Variants in BAAT observed in about 807,000 individuals in gnomAD.
BAAT encodes bile acid CoA: amino acid N-acyltransferase (glycine N-choloyltransferase).
A neutral mutation model predicts 18.9 loss-of-function variants in BAAT; 13 were observed. That is an observed-to-expected ratio of 0.69 (90% CI 0.45 to 1.10). BAAT has a LOEUF of 1.10. Ranked by LOEUF, BAAT falls within the 50% of genes least tolerant of loss-of-function variation. BAAT has a pLI of 0.00. For synonymous variants in BAAT, 170 were observed against 190.7 expected (o/e 0.89, Z 0.89); for missense variants, 489 against 504.0 (o/e 0.97, Z 0.28).
intron 3 of BAAT, among the ~76,000 whole-genome samples, chr9:101,364,001 C>A (rs1341761): frequency 0.15 from 23,455 of 151,936 alleles, 1,987 homozygotes; most frequent in African/African-American, 0.2. Flanking sequence ...AGAGTGAGAC[C>A]CTGTCTCAAG....
rs147229699 is a variant in BAAT, at chr9:101,380,507, G to A, written c.-60+4348C>T. ...CACAGACCTGCTCACTTACCACAGA[G>A]CAAGCTTACTCACAGCATGGTGGCT... On this transcript the variant is annotated intron_variant, in intron 1 of 3. Transcript: ENST00000259407. Among the ~76,000 whole-genome samples, 414 of 152,268 alleles carry A rather than the reference G, an allele frequency of 2.7e-3. 4 individuals are homozygous for A. Among genetic ancestry groups the A allele is most frequent in the Non-Finnish European group, 4.1e-3 (277 of 68,036 alleles).
intron 1 of BAAT, among the ~76,000 whole-genome samples, chr9:101,384,525 C>A (rs556302190): frequency 3.7e-4 from 56 of 152,260 alleles, no homozygotes; most frequent in African/African-American, 1.3e-3. Flanking sequence ...ATTGGTACCA[C>A]CACTTTGGAA....
In BAAT at chr9:101,384,927, TAAAGAG is replaced by T. The variant is rs931000159; in HGVS notation, c.-138_-133del. ...CCTAAGTGTCGGCTGGTCTGAGAAA[TAAAGAG>T]AAAGAGTACAAAGAGAGGAATTTAC... On this transcript the variant is annotated 5_prime_UTR_variant, in exon 1 of 4. Coordinates refer to ENST00000259407, the MANE Select transcript of BAAT (RefSeq NM_001701.4). 3.3e-5 allele frequency among the ~76,000 whole-genome samples: 5 copies of T among 151,402 alleles called. No homozygotes were observed. The highest frequency in any genetic ancestry group is 7.3e-5 in the African/African-American group (3 of 41,134).
chr9:101,367,577 C>A (rs529623289), intron 3 of BAAT, among the ~76,000 whole-genome samples: 201 of 152,164 alleles, frequency 1.3e-3, no homozygotes, highest in Non-Finnish European at 2.6e-3. Context: ...CTCAACCTCC[C>A]AGGCTCAAGC....
chr9:101,374,601 A>G (rs1830008207), intron 1 of BAAT, among the ~76,000 whole-genome samples: 1 of 152,192 alleles, frequency 6.6e-6, no homozygotes, highest in Non-Finnish European at 1.5e-5. Flanking sequence ...GGACCTACCC[A>G]TATTTCAGAA....
intron 2 of BAAT, among the ~76,000 whole-genome samples, chr9:101,369,040 C>T (rs1340925393): frequency 6.6e-6 from 1 of 152,148 alleles, no homozygotes; most frequent in Admixed American, 6.5e-5. Flanking sequence ...TGCAGGCTGA[C>T]ACGTGGTAAA....
At chr9:101,377,763 G>A (rs540671051) in intron 1 of BAAT, among the ~76,000 whole-genome samples, 63 of 152,184 alleles carry the variant, frequency 4.1e-4, no homozygotes, top group African/African-American at 1.4e-3. Context: ...AGGGCAATAA[G>A]GCAAGAGAAA....
intron 1 of BAAT, chr9:101,376,597 G>C (rs1215463587): frequency 6.6e-6 from 1 of 152,284 alleles, no homozygotes; most frequent in East Asian, 1.9e-4. Context: ...GTACCAAAAT[G>C]GTTCATGGCT....
rs140592426 is a variant in BAAT, at chr9:101,377,248, C to G, written c.-59-5785G>C. ...ACCAAAGGGAGTCCCTGCTGGTTCCCCAACATTAAAGAGCCCCAAATCAGT... is the reference window on the plus strand; with the variant it reads ...ACCAAAGGGAGTCCCTGCTGGTTCCGCAACATTAAAGAGCCCCAAATCAGT... On this transcript the variant is annotated intron_variant, in intron 1 of 3. Coordinates refer to ENST00000259407, the MANE Select transcript of BAAT (RefSeq NM_001701.4). Among the ~76,000 whole-genome samples, 3 of 152,188 alleles carry G rather than the reference C, an allele frequency of 2.0e-5. No individual in the cohort carries two copies. In the East Asian group the frequency reaches 5.8e-4, roughly 29 times the overall value.
intron 1 of BAAT, 88 bp from the exon 2 acceptor site, chr9:101,371,551 G>T: frequency 1.2e-6 from 1 of 823,000 alleles, no homozygotes; most frequent in Non-Finnish European, 2.0e-6. Flanking sequence ...AGACCACTTA[G>T]GAGTCAGTTC....
intron 3 of BAAT, among the ~76,000 whole-genome samples, chr9:101,363,473 T>C (rs1829771951): frequency 6.6e-6 from 1 of 152,114 alleles, no homozygotes; most frequent in African/African-American, 2.4e-5. Flanking sequence ...AGTTTTCTCA[T>C]TGTGGAGAAA....
intron 1 of BAAT, among the ~76,000 whole-genome samples, chr9:101,378,798 C>G (rs569903387): frequency 1.3e-5 from 2 of 152,226 alleles, no homozygotes; most frequent in East Asian, 3.9e-4. Flanking sequence ...AGGCAACCTA[C>G]AGAATGAAAG....
chr9:101,370,320 CTTTTTTTT>C (rs749077224), intron 2 of BAAT, among the ~76,000 whole-genome samples: 2 of 103,672 alleles, frequency 1.9e-5, no homozygotes, highest in South Asian at 3.5e-4. Context: ...ATGCATTATC[CTTTTTTTT>C]TTTTTTTTTT....
intron 1 of BAAT, among the ~76,000 whole-genome samples, chr9:101,378,329 T>C (rs866771122): frequency 2.0e-5 from 3 of 152,244 alleles, no homozygotes; most frequent in African/African-American, 7.2e-5. Context: ...CTTCAAACTA[T>C]ACTACAAGGC....
rs192037557 is a variant in BAAT at position 101,362,602 on chromosome 9, G to T, written c.1083C>A (p.Gly361=). The stretch of plus-strand genomic sequence containing the variant: ...GAGAATAGGGAGGTTCTATCAGGTG[G>T]CCTGCCCCAGGGTAAGATAGCAGGG... ...NWTLLSYPGA[G]HLIEPPYSPL... Residue 361 remains glycine (G), a synonymous_variant, in exon 4 of 4, where the codon GGC becomes GGA. Transcript: ENST00000259407. 1 of 1,614,124 alleles carries T rather than the reference G, an allele frequency of 6.2e-7. No homozygotes were observed. Among genetic ancestry groups the T allele is most frequent in the Non-Finnish European group, 8.5e-7 (1 of 1,180,026 alleles).
chr9:101,370,494 T>C (rs1829916846), intron 2 of BAAT, among the ~76,000 whole-genome samples: 1 of 151,960 alleles, frequency 6.6e-6, no homozygotes, highest in Admixed American at 6.6e-5. Flanking sequence ...TTTTAGTATT[T>C]ATAGAGAAAG....
At position 101,362,057 on chromosome 9, in the gene BAAT, C is replaced by G. The variant is rs1048446700; in HGVS notation, c.*371G>C. 4.0e-6 allele frequency: 1 copy of G among 249,918 alleles called. No individual in the cohort carries two copies. Among genetic ancestry groups the G allele is most frequent in the Non-Finnish European group, 7.8e-6 (1 of 128,994 alleles). The allele number at this position is 249,918 out of a possible 1,614,324, so 15.5% of individuals were successfully genotyped here. On this transcript the variant is annotated 3_prime_UTR_variant, in exon 4 of 4. Coordinates refer to ENST00000259407, the MANE Select transcript of BAAT (RefSeq NM_001701.4). ...TCCTGCTGCTCTAATCTGATAAATT[C>G]TTACTATATAGTGTTTTCTGACATG...
intron 2 of BAAT, 120 bp downstream of exon 2, chr9:101,370,818 GA>G: frequency 8.4e-7 from 1 of 1,185,156 alleles, no homozygotes; most frequent in South Asian, 1.3e-5. Flanking sequence ...ATTTAAGGTG[GA>G]AAAACAATAA....
intron 3 of BAAT, among the ~76,000 whole-genome samples, chr9:101,364,256 C>T (rs1005596873): frequency 3.9e-5 from 6 of 152,108 alleles, no homozygotes; most frequent in South Asian, 2.1e-4. Flanking sequence ...TTTTGCCCCC[C>T]GTGCAAACTG....
Sources: allele counts gnomAD v4.1 joint callset (sites outside exome capture counted in the v4.1 genomes callset), GRCh38; gene constraint gnomAD v4.1.1; transcripts MANE v1.5; gene names NCBI Gene and HGNC (gene_info 2026-07-23, HGNC 2026-07-21).